STX6: variants seen among roughly 807,000 people sequenced by gnomAD.
STX6 encodes syntaxin-6.
A neutral mutation model predicts 38.0 loss-of-function variants in STX6; 23 were observed. The ratio of observed to expected loss-of-function variants is 0.60; its 90% CI spans 0.43 to 0.86. The LOEUF (loss-of-function observed/expected upper bound fraction) is 0.86. Among genes scored for constraint, STX6 ranks in the 40% least tolerant of loss-of-function variants. STX6 has a pLI of 0.00. For missense variants in STX6, 274 were observed against 312.9 expected, an observed-to-expected ratio of 0.88 and a Z score of 0.94; for synonymous variants, 123 against 107.5, an observed-to-expected ratio of 1.14 and a Z score of -0.89.
chr1:181,018,113 G>A (rs1346703737), intron 1 of STX6, among the ~76,000 whole-genome samples: 2 of 151,968 alleles, frequency 1.3e-5, no homozygotes, highest in Admixed American at 6.6e-5. Context: ...GGCCAGGCGC[G>A]GTGGCTCATG....
chr1:180,984,644 T>G, intron 7 of STX6, 33 bp downstream of exon 7: 1 of 977,000 alleles, frequency 1.0e-6, no homozygotes, highest in East Asian at 2.5e-5. Flanking sequence ...TAGAATTAAG[T>G]ACAAATGCTT....
In STX6 at chr1:180,990,062, T is replaced by G; in HGVS notation, c.411A>C (p.Thr137=). The G allele has an allele frequency of 1.2e-6, 2 of 1,614,212 alleles. No individual in the cohort carries two copies. The highest frequency in any genetic ancestry group is 1.7e-6 in the Non-Finnish European group (2 of 1,180,042). Residue 137 remains threonine, a synonymous_variant, in exon 5 of 8, where the codon ACA becomes ACC. Transcript: ENST00000258301. ...SGSQNWSTGT[T]DKYGRLDREL... is the part of the protein sequence containing the mutation. ...CTCGGTCCAGACGCCCATATTTATCTGTTGTTCCAGTGCTCCAGTTCTGGC... is the reference window on the plus strand; with the variant it reads ...CTCGGTCCAGACGCCCATATTTATCGGTTGTTCCAGTGCTCCAGTTCTGGC...
At chr1:181,012,691 T>TTTTG (rs1656438075) in intron 1 of STX6, among the ~76,000 whole-genome samples, 2 of 149,536 alleles carry the variant, frequency 1.3e-5, no homozygotes, top group African/African-American at 2.5e-5. Flanking sequence ...TTTTTTTTTT[T>TTTTG]GAGATGGAAT....
At position 180,974,205 on chromosome 1, in the gene STX6, C is replaced by T. The variant is rs1464472033; in HGVS notation, c.*2365G>A. 6.6e-6 allele frequency: 1 copy of T among 152,172 alleles called. No homozygotes were observed. Among genetic ancestry groups the T allele is most frequent in the Non-Finnish European group, 1.5e-5 (1 of 68,054 alleles). The allele number at this position is 152,172 out of a possible 1,614,324, so 9.4% of individuals were successfully genotyped here. ...TTAACACTGGTTCTGTAGGGACTGCCCAGTCAGGGTGCAATGGGATCAGAC... is the reference window on the plus strand; with the variant it reads ...TTAACACTGGTTCTGTAGGGACTGCTCAGTCAGGGTGCAATGGGATCAGAC... On this transcript the variant is annotated 3_prime_UTR_variant, in exon 8 of 8. Transcript: ENST00000258301.
intron 1 of STX6, among the ~76,000 whole-genome samples, chr1:181,020,047 A>T (rs1281052866): frequency 6.6e-6 from 1 of 152,008 alleles, no homozygotes; most frequent in Non-Finnish European, 1.5e-5. Flanking sequence ...CCCTGCCCAT[A>T]GTCCTAAAAA....
At chr1:181,002,324 A>AT (rs886165329) in intron 3 of STX6, among the ~76,000 whole-genome samples, 34 of 147,682 alleles carry the variant, frequency 2.3e-4, no homozygotes, top group East Asian at 4.0e-4. Context: ...TAATTTTTAT[A>AT]TTTTTTTTTT....
In STX6 at chr1:180,975,726, A is replaced by C. The variant is rs1462014044; in HGVS notation, c.*844T>G. 6.6e-6 allele frequency: 1 copy of C among 152,224 alleles called. No individual in the cohort carries two copies. Among genetic ancestry groups the C allele is most frequent in the Non-Finnish European group, 1.5e-5 (1 of 68,060 alleles). The allele number at this position is 152,224 out of a possible 1,614,324, so 9.4% of individuals were successfully genotyped here. ...GCTGTTTAGCAACAACATATGTAGCAATCACCCTCAAAACGCAAGCTGCAC... is the reference window on the plus strand; with the variant it reads ...GCTGTTTAGCAACAACATATGTAGCCATCACCCTCAAAACGCAAGCTGCAC... On this transcript the variant is annotated 3_prime_UTR_variant, in exon 8 of 8. Coordinates refer to ENST00000258301, the MANE Select transcript of STX6 (RefSeq NM_005819.6).
At chr1:181,002,225 TCTCAGCCTCAACCTGATCCTCCCAC>T (rs1253166087) in intron 3 of STX6, among the ~76,000 whole-genome samples, 1 of 151,978 alleles carries the variant, frequency 6.6e-6, no homozygotes, top group Non-Finnish European at 1.5e-5. Flanking sequence ...TGATCATAGC[TCTCAGCCTCAACCTGATCCTCCCAC>T]CTCAGCCTCC....
Position 180,972,971 on chromosome 1 carries a change from T to C in STX6, c.*3599A>G, listed in dbSNP as rs1244481848. 1 of 191,638 alleles carries C rather than the reference T, an allele frequency of 5.2e-6. No individual in the cohort carries two copies. Among genetic ancestry groups the C allele is most frequent in the Non-Finnish European group, 1.1e-5 (1 of 92,000 alleles). 11.9% of individuals were successfully genotyped at this position (191,638 alleles called of 1,614,324 possible). Reference sequence around the variant, plus strand: ...AGGCCTGTCACTGGGGCAGGGGCACTGTCCTCAGGGGCGGACTTTGCTCAG... The same window carrying C: ...AGGCCTGTCACTGGGGCAGGGGCACCGTCCTCAGGGGCGGACTTTGCTCAG... On this transcript the variant is annotated 3_prime_UTR_variant, in exon 8 of 8. Transcript: ENST00000258301.
chr1:181,006,156 G>A (rs1003744301), intron 1 of STX6, among the ~76,000 whole-genome samples: 4 of 151,994 alleles, frequency 2.6e-5, no homozygotes, highest in Admixed American at 6.6e-5. Context: ...TCCACCTCCC[G>A]GGTTCAAGTG....
At chr1:181,018,408 A>G (rs1051939782) in intron 1 of STX6, among the ~76,000 whole-genome samples, 14 of 147,576 alleles carry the variant, frequency 9.5e-5, no homozygotes, top group African/African-American at 3.3e-4. Context: ...AAAAAAAAAA[A>G]AAAAAAGAAA....
In STX6 at chr1:181,002,598, T is replaced by C; in HGVS notation, c.300+8A>G. 3 of 1,595,466 alleles carry C rather than the reference T, an allele frequency of 1.9e-6. No homozygotes were observed. The highest frequency in any genetic ancestry group is 2.2e-5 in the South Asian group (2 of 90,602). Reference sequence around the variant, plus strand: ...ATACAGATAACACAATAAGATCATATTCCTTACCCTGACAACTTGCCGAGT... The same window carrying C: ...ATACAGATAACACAATAAGATCATACTCCTTACCCTGACAACTTGCCGAGT... On this transcript the variant is annotated splice_region_variant and intron_variant, in intron 3 of 7. Transcript: ENST00000258301.
chr1:180,985,773 T>C (rs1464993556), intron 6 of STX6, among the ~76,000 whole-genome samples: 1 of 152,256 alleles, frequency 6.6e-6, no homozygotes, highest in Non-Finnish European at 1.5e-5. Context: ...GGCTAGAATG[T>C]AATATGCCAA....
intron 1 of STX6, among the ~76,000 whole-genome samples, chr1:181,014,164 G>A (rs1330239969): frequency 1.3e-5 from 2 of 152,272 alleles, no homozygotes; most frequent in South Asian, 2.1e-4. Flanking sequence ...TTGGGAAGCC[G>A]AGGTGGGTGG....
intron 6 of STX6, among the ~76,000 whole-genome samples, chr1:180,985,880 C>A (rs1214824510): frequency 6.6e-6 from 1 of 152,198 alleles, no homozygotes; most frequent in Non-Finnish European, 1.5e-5. Context: ...ACAATAGACA[C>A]CTGACAGCCT....
At chr1:181,018,595 T>C (rs1233796819) in intron 1 of STX6, among the ~76,000 whole-genome samples, 1 of 151,970 alleles carries the variant, frequency 6.6e-6, no homozygotes, top group Non-Finnish European at 1.5e-5. Context: ...ATGACAATAA[T>C]AATACCTACT....
chr1:180,979,533 A>T (rs1484522187), intron 7 of STX6, among the ~76,000 whole-genome samples: 2 of 152,256 alleles, frequency 1.3e-5, no homozygotes, highest in Non-Finnish European at 2.9e-5. Context: ...CCTTAACAAA[A>T]ATTAACTCAA....
Position 180,981,515 on chromosome 1 carries a change from A to G in STX6, c.691+3162T>C, listed in dbSNP as rs1655415917. ...ACCCCCTTCCCTCAGGCATCTCGCTATTCTCAGCACCAGATTTCCAACACT... is the reference window on the plus strand; with the variant it reads ...ACCCCCTTCCCTCAGGCATCTCGCTGTTCTCAGCACCAGATTTCCAACACT... On this transcript the variant is annotated intron_variant, in intron 7 of 7. Coordinates refer to ENST00000258301, the MANE Select transcript of STX6 (RefSeq NM_005819.6). Among the ~76,000 whole-genome samples, 3 of 152,104 alleles carry G rather than the reference A, an allele frequency of 2.0e-5. No homozygotes were observed. The South Asian group carries it at 6.2e-4, about 32-fold the overall frequency.
intron 3 of STX6, among the ~76,000 whole-genome samples, chr1:180,998,721 A>G (rs1429877730): frequency 2.6e-5 from 4 of 152,242 alleles, no homozygotes; most frequent in Non-Finnish European, 5.9e-5. Flanking sequence ...ATGTAGGTCA[A>G]AAGTTAGCAG....
Sources: allele counts gnomAD v4.1 joint callset (sites outside exome capture counted in the v4.1 genomes callset), GRCh38; gene constraint gnomAD v4.1.1; transcripts MANE v1.5; gene names NCBI Gene and HGNC (gene_info 2026-07-23, HGNC 2026-07-21).